The following ZFP28 variants were observed in gnomAD, a reference collection of about 807,000 sequenced individuals.
ZFP28 encodes the protein ZFP28 zinc finger protein.
Under a neutral mutation model 39.5 loss-of-function variants are expected in ZFP28, and 31 were observed. The ratio of observed to expected loss-of-function variants is 0.79; its 90% CI spans 0.59 to 1.06. The LOEUF is 1.06. Among genes scored for constraint, ZFP28 ranks in the 50% least tolerant of loss-of-function variants. ZFP28 has a pLI of 0.00. For synonymous variants in ZFP28, 400 were observed against 378.6 expected, an observed-to-expected ratio of 1.06 and a Z score of -0.66; for missense variants, 925 against 1,048.4, an observed-to-expected ratio of 0.88 and a Z score of 1.63.
Position 56,555,169 on chromosome 19 carries a change from T to C in ZFP28, c.2384T>C (p.Ile795Thr). 2 of 1,614,138 alleles carry C rather than the reference T, an allele frequency of 1.2e-6. No homozygotes were observed. The highest frequency in any genetic ancestry group is 1.7e-6 in the Non-Finnish European group (2 of 1,180,016). ...YECKECRKTF[I>T]QIGHLNQHKR... is the part of the protein sequence containing the mutation. ...TGTAAGGAATGTAGGAAAACCTTCA[T>C]CCAAATTGGACACCTTAATCAACAT... is the stretch of plus-strand genomic sequence containing the variant. The change falls in exon 8 of 8, where the codon ATC becomes ACC. Residue 795 changes from isoleucine to threonine, a missense_variant. Transcript: ENST00000301318.
At chr19:56,548,802 A>G (rs1357921196) in intron 4 of ZFP28, among the ~76,000 whole-genome samples, 156 bp from the exon 5 acceptor site, 1 of 152,248 alleles carries the variant, frequency 6.6e-6, no homozygotes, top group Non-Finnish European at 1.5e-5. Flanking sequence ...CTAGTAATAT[A>G]AGAAAGCTTT....
At chr19:56,540,300 GAGGC>G (rs2044184707) in intron 2 of ZFP28, among the ~76,000 whole-genome samples, 1 of 152,218 alleles carries the variant, frequency 6.6e-6, no homozygotes, top group Non-Finnish European at 1.5e-5. Flanking sequence ...AGATGTTTGG[GAGGC>G]ACAGTAAAGA....
chr19:56,545,338 C>T (rs2044232367), intron 2 of ZFP28, among the ~76,000 whole-genome samples: 1 of 152,188 alleles, frequency 6.6e-6, no homozygotes, highest in Admixed American at 6.5e-5. Flanking sequence ...ACCCTTTTGA[C>T]CTATTTTTAC....
intron 2 of ZFP28, among the ~76,000 whole-genome samples, chr19:56,540,514 G>A (rs925374310): frequency 6.6e-6 from 1 of 152,190 alleles, no homozygotes; most frequent in African/African-American, 2.4e-5. Flanking sequence ...CCAGCTTCCA[G>A]TTGTCCTACC....
At position 56,547,580 on chromosome 19, in the gene ZFP28, AG is replaced by A; in HGVS notation, c.375del (p.Asn126ThrfsTer6). On this transcript the variant is annotated frameshift_variant, in exon 3 of 8. Coordinates refer to ENST00000301318, the MANE Select transcript of ZFP28 (RefSeq NM_020828.2). LOFTEE classifies it high-confidence loss of function. The surrounding 1 kb of genome is among the most constrained non-coding windows in gnomAD (Gnocchi z 4.6). ...EEWEWLNPIQ[R>X]NLYRKVMLEN... Reference sequence around the variant, plus strand: ...GTGGGAGTGGCTGAACCCCATTCAGAGGAACTTGTACAGGAAGGTGATGTTG... The same window carrying A: ...GTGGGAGTGGCTGAACCCCATTCAGAGAACTTGTACAGGAAGGTGATGTTG... The A allele has an allele frequency of 6.2e-7, 1 of 1,613,922 alleles. No homozygotes were observed. Among genetic ancestry groups the A allele is most frequent in the Non-Finnish European group, 8.5e-7 (1 of 1,179,896 alleles).
At chr19:56,552,223 T>C (rs1028859175) in intron 7 of ZFP28, 2 of 158,512 alleles carry the variant, frequency 1.3e-5, no homozygotes, top group Non-Finnish European at 2.7e-5. Context: ...TGTCAGAATA[T>C]TTCTTGAAGA....
intron 2 of ZFP28, among the ~76,000 whole-genome samples, chr19:56,540,745 T>TCATTC (rs1600538538): frequency 1.3e-5 from 2 of 152,188 alleles, no homozygotes; most frequent in Non-Finnish European, 2.9e-5. Flanking sequence ...AATATGTAAA[T>TCATTC]GAATGGATGG....
rs1443084018 is a variant in ZFP28, at chr19:56,551,014, C to T, written c.898+409C>T. 8 of 1,256,382 alleles carry T rather than the reference C, an allele frequency of 6.4e-6. No individual in the cohort carries two copies. The South Asian group carries it at 1.5e-4, about 24-fold the overall frequency. 77.8% of individuals were successfully genotyped at this position (1,256,382 alleles called of 1,614,324 possible). A position where few individuals can be genotyped will look rare whatever the true frequency, so the allele number is the denominator to read the frequency against. On this transcript the variant is annotated intron_variant, in intron 7 of 7. Coordinates refer to ENST00000301318, the MANE Select transcript of ZFP28 (RefSeq NM_020828.2). ...ATTGAGCCACTCTGCTGAGTATTGG[C>T]AGGCGATTGGAAAAAGGGAGAATTA...
chr19:56,538,950 G>T lies in ZFP28; in HGVS notation c.-69G>T. On this transcript the variant is annotated 5_prime_UTR_variant, in exon 1 of 8. Coordinates refer to ENST00000301318, the MANE Select transcript of ZFP28 (RefSeq NM_020828.2). ...GCGGGGCTGTTCGCTGGGCGTGGCG[G>T]GCGGGTGTGGCCAGGGGTGTGGGTC... is the stretch of plus-strand genomic sequence containing the variant. The T allele has an allele frequency of 7.4e-6, 9 of 1,211,304 alleles. No homozygotes were observed. The highest frequency in any genetic ancestry group is 9.3e-6 in the Non-Finnish European group (9 of 965,088). 75.0% of individuals were successfully genotyped at this position (1,211,304 alleles called of 1,614,324 possible). A position where few individuals can be genotyped will look rare whatever the true frequency, so the allele number is the denominator to read the frequency against.
intron 6 of ZFP28, 91 bp from the exon 7 acceptor site, chr19:56,550,419 G>A: frequency 4.3e-6 from 5 of 1,156,992 alleles, no homozygotes; most frequent in Non-Finnish European, 3.8e-6. Context: ...GTTTCTTTCA[G>A]CAGTAACACT....
At chr19:56,548,911 T>C in intron 4 of ZFP28, 47 bp from the exon 5 acceptor site, 1 of 1,552,412 alleles carries the variant, frequency 6.4e-7, no homozygotes, top group Non-Finnish European at 8.7e-7. Context: ...TTTTTCTTCA[T>C]ACTAACACAT....
chr19:56,546,945 G>A (rs1386678241), intron 2 of ZFP28: 4 of 152,088 alleles, frequency 2.6e-5, no homozygotes, highest in Non-Finnish European at 5.9e-5. Context: ...CTTTTACCTG[G>A]AGTTTAAGAC....
In ZFP28 at chr19:56,555,219, T is replaced by G. The variant is rs144483790; in HGVS notation, c.2434T>G (p.Ser812Ala). 7.4e-6 allele frequency: 12 copies of G among 1,613,994 alleles called. No homozygotes were observed. The highest frequency in any genetic ancestry group is 1.7e-5 in the Admixed American group (1 of 59,990). ...TAAGAGAGTTCATACTGGAGAGAGA[T>G]CTTATAACTATAAGAAAAGCAGAAA... The part of the protein sequence containing the change: ...QHKRVHTGER[S>A]YNYKKSRKVF... Residue 812 changes from serine (S) to alanine (A), a missense_variant, in exon 8 of 8, where the codon TCT (serine) becomes GCT (alanine). Ser to Ala is a moderately conservative substitution (Grantham distance 99, BLOSUM62 1). Around this residue, in one of 2 missense-constraint regions of ZFP28, gnomAD observed 369 missense variants for 505.5 expected, o/e 0.73. Coordinates refer to ENST00000301318, the MANE Select transcript of ZFP28 (RefSeq NM_020828.2).
At chr19:56,551,321 G>C in intron 7 of ZFP28, 1 of 986,582 alleles carries the variant, frequency 1.0e-6, no homozygotes. Flanking sequence ...TTTACTGTTT[G>C]GCAAAAGAAT....
chr19:56,544,219 A>G (rs568432523), intron 2 of ZFP28, among the ~76,000 whole-genome samples: 1 of 152,374 alleles, frequency 6.6e-6, no homozygotes, highest in South Asian at 2.1e-4. Context: ...AGTGTTTAAT[A>G]TAGGACCGAA....
rs1167555390 is a variant in ZFP28 at position 56,556,433 on chromosome 19, G to T, written c.*1041G>T. ...GTGTGATCCCTGCTATGGAGCAGAG[G>T]TTATCAAACTAAAGCCCATGGACCA... On this transcript the variant is annotated 3_prime_UTR_variant, in exon 8 of 8. Transcript: ENST00000301318. The T allele has an allele frequency of 6.6e-6, 1 of 152,122 alleles. No individual in the cohort carries two copies. The highest frequency in any genetic ancestry group is 1.5e-5 in the Non-Finnish European group (1 of 68,030). 9.4% of individuals were successfully genotyped at this position (152,122 alleles called of 1,614,324 possible).
chr19:56,541,301 C>A (rs1568483828), intron 2 of ZFP28, among the ~76,000 whole-genome samples: 1 of 151,162 alleles, frequency 6.6e-6, no homozygotes, highest in Non-Finnish European at 1.5e-5. Context: ...ATATTTGGTC[C>A]TGATGCAAAT....
Position 56,554,458 on chromosome 19 carries a change from A to G in ZFP28, c.1673A>G (p.Glu558Gly). The change falls in exon 8 of 8, where the codon GAA (glutamate) becomes GGA (glycine). Residue 558 changes from glutamate to glycine, a missense_variant. Physicochemically the swap from Glu to Gly is moderately conservative, Grantham distance 98. Around this residue, in one of 2 missense-constraint regions of ZFP28, gnomAD observed 369 missense variants for 505.5 expected, o/e 0.73. Transcript: ENST00000301318. This position sits in a 1 kb window ranked among gnomAD's most constrained non-coding sequence, Gnocchi z 6.7. ...LTVHQRIHTG[E>G]KPYECDVCRK... ...GTACATCAAAGGATTCATACCGGAG[A>G]AAAACCATATGAATGTGATGTTTGC... 5 of 1,614,224 alleles carry G rather than the reference A, an allele frequency of 3.1e-6. No individual in the cohort carries two copies. Among genetic ancestry groups the G allele is most frequent in the Non-Finnish European group, 3.4e-6 (4 of 1,180,040 alleles).
Position 56,550,595 on chromosome 19 carries a change from C to T in ZFP28, c.888C>T (p.Ser296=). Residue 296 remains serine (S), a synonymous_variant, in exon 7 of 8, where the codon AGC becomes AGT. Coordinates refer to ENST00000301318, the MANE Select transcript of ZFP28 (RefSeq NM_020828.2). ...TGGTGAAGCGAGAGCTGACAGGAAG[C>T]CTGTTCTCAGGTGAGTGCAGGAGAG... The part of the protein sequence containing the change: ...PWMVKRELTG[S]LFSGQRSVHE... 6.2e-7 allele frequency: 1 copy of T among 1,614,034 alleles called. No homozygotes were observed. Among genetic ancestry groups the T allele is most frequent in the Non-Finnish European group, 8.5e-7 (1 of 1,180,028 alleles).
Sources: gnomAD v4.1 joint callset for allele counts (sites outside exome capture counted in the v4.1 genomes callset) on GRCh38, gnomAD v4.1.1 for gene constraint, gnomAD v4.1.1 regional missense constraint, Gnocchi (gnomAD v3.1) non-coding constraint, MANE v1.5 for transcripts, NCBI Gene and HGNC (gene_info 2026-07-23, HGNC 2026-07-21) for gene names.